Variants in XRCC6 observed in about 807,000 individuals in gnomAD.
The protein encoded by XRCC6 is X-ray repair cross complementing 6.
In XRCC6, 5 loss-of-function variants were observed where a neutral mutation model predicts 65.7. That is an observed-to-expected ratio of 0.08 (90% confidence interval 0.04 to 0.16). The LOEUF (loss-of-function observed/expected upper bound fraction) is 0.16. XRCC6 is among the 10% of genes least tolerant of loss of function. The pLI is 1.00. For missense variants in XRCC6, 447 were observed against 738.1 expected, an observed-to-expected ratio of 0.61 and a Z score of 4.57; for synonymous variants, 270 against 270.6, an observed-to-expected ratio of 1.00 and a Z score of 0.02.
chr22:41,624,720 G>A (rs1436974321), intron 2 of XRCC6, among the ~76,000 whole-genome samples: 2 of 149,962 alleles, frequency 1.3e-5, no homozygotes, highest in East Asian at 2.0e-4. Flanking sequence ...AAATAAGGCC[G>A]GGCGCGGTGG....
intron 5 of XRCC6, among the ~76,000 whole-genome samples, chr22:41,637,214 G>T (rs940114976): frequency 6.6e-6 from 1 of 151,138 alleles, no homozygotes; most frequent in Non-Finnish European, 1.5e-5. Context: ...CTCCCAAATA[G>T]CTGGAATTAC....
intron 9 of XRCC6, among the ~76,000 whole-genome samples, chr22:41,654,654 T>TA (rs1359182852): frequency 1.3e-5 from 2 of 152,210 alleles, no homozygotes; most frequent in South Asian, 2.1e-4. Context: ...TGATAACTCT[T>TA]ACCTGTTTCC....
intron 10 of XRCC6, 25 bp downstream of exon 10, chr22:41,657,057 A>C: frequency 6.5e-7 from 1 of 1,543,250 alleles, no homozygotes; most frequent in Non-Finnish European, 8.7e-7. Flanking sequence ...GGCTTTCTGG[A>C]ACTGCCTCCT....
chr22:41,649,780 C>T (rs12167973), intron 7 of XRCC6, among the ~76,000 whole-genome samples: 7,224 of 151,224 alleles, frequency 0.048, 367 homozygotes, highest in African/African-American at 0.12. Flanking sequence ...GCGTGAACCC[C>T]GGTGGGTGGA....
rs1446235281 is a variant in XRCC6 at position 41,663,831 on chromosome 22, C to T, written c.*16C>T. 8 of 1,605,478 alleles carry T rather than the reference C, an allele frequency of 5.0e-6. No homozygotes were observed. The South Asian group carries it at 8.8e-5, about 18-fold the overall frequency. On this transcript the variant is annotated 3_prime_UTR_variant, in exon 13 of 13. Coordinates refer to ENST00000360079, the MANE Select transcript of XRCC6 (RefSeq NM_001469.5). The stretch of plus-strand genomic sequence containing the variant: ...CCAGGACTGACCAGAGGCCGCGCGT[C>T]CAGCTGCCCTTCCGCAGTGTGGCCA...
chr22:41,632,334 G>GGTGT (rs1383166407), intron 3 of XRCC6, among the ~76,000 whole-genome samples: 1 of 152,090 alleles, frequency 6.6e-6, no homozygotes, highest in African/African-American at 2.4e-5. Flanking sequence ...TGGTAGGCAG[G>GGTGT]GTGTGGTGGC....
intron 2 of XRCC6, among the ~76,000 whole-genome samples, chr22:41,623,872 G>A (rs1325717786): frequency 2.0e-5 from 3 of 151,984 alleles, no homozygotes; most frequent in Non-Finnish European, 4.4e-5. Context: ...AGGCGTGTGC[G>A]CCACCACACT....
chr22:41,622,152 C>T, intron 2 of XRCC6, 66 bp downstream of exon 2: 1 of 1,535,678 alleles, frequency 6.5e-7, no homozygotes, highest in Non-Finnish European at 9.0e-7. Context: ...CCTATCTCTG[C>T]TGGATGGACT....
In XRCC6 at chr22:41,636,148, C is replaced by T. The variant is rs769178314; in HGVS notation, c.231C>T (p.Ser77=). The T allele has an allele frequency of 1.9e-6, 3 of 1,598,792 alleles. No homozygotes were observed. The highest frequency in any genetic ancestry group is 2.2e-4 in the Middle Eastern group (1 of 4,532). Residue 77 remains serine, a synonymous_variant, in exon 4 of 13, where the codon AGC becomes AGT. Transcript: ENST00000360079. The stretch of plus-strand genomic sequence containing the variant: ...GTGTGTACATCAGTAAGATCATAAG[C>T]AGTGATCGAGATCTCTTGGCTGTGG... ...IQSVYISKII[S]SDRDLLAVVF...
At chr22:41,632,916 C>T (rs1276401041) in intron 3 of XRCC6, among the ~76,000 whole-genome samples, 1 of 151,302 alleles carries the variant, frequency 6.6e-6, no homozygotes, top group African/African-American at 2.4e-5. Context: ...ATCACGAGGT[C>T]AAGAGATCAA....
At chr22:41,635,134 A>T (rs1170987182) in intron 3 of XRCC6, among the ~76,000 whole-genome samples, 1 of 152,154 alleles carries the variant, frequency 6.6e-6, no homozygotes, top group Non-Finnish European at 1.5e-5. Flanking sequence ...ATGGCATAGT[A>T]TTTGCATATA....
At chr22:41,629,170 G>T (rs2067712802) in intron 3 of XRCC6, among the ~76,000 whole-genome samples, 1 of 152,038 alleles carries the variant, frequency 6.6e-6, no homozygotes, top group African/African-American at 2.4e-5. Flanking sequence ...TGGAGAAATT[G>T]GCGTGATTGA....
chr22:41,643,603 C>T (rs909328871), intron 6 of XRCC6, among the ~76,000 whole-genome samples: 2 of 151,878 alleles, frequency 1.3e-5, no homozygotes, highest in African/African-American at 4.8e-5. Flanking sequence ...GGTGGATCAC[C>T]TGAGGTCAGT....
intron 3 of XRCC6, among the ~76,000 whole-genome samples, chr22:41,628,983 A>AAC (rs1569080366): frequency 6.6e-6 from 1 of 150,886 alleles, no homozygotes; most frequent in African/African-American, 2.4e-5. Context: ...AAAAAAAAAA[A>AAC]AAAAAACAAT....
chr22:41,646,414 A>G (rs1047312065), intron 6 of XRCC6, among the ~76,000 whole-genome samples: 10 of 152,148 alleles, frequency 6.6e-5, no homozygotes, highest in African/African-American at 2.4e-4. Flanking sequence ...GCTTAATACA[A>G]ACTATCATTT....
chr22:41,649,139 AAT>A lies in XRCC6; in HGVS notation c.961-1561_961-1560del, dbSNP rs1555906700. 1.5e-3 allele frequency among the ~76,000 whole-genome samples: 132 copies of A among 88,708 alleles called. 5 individuals are homozygous for A. Among genetic ancestry groups the A allele is most frequent in the Admixed American group, 2.4e-3 (14 of 5,780 alleles). 58.2% of individuals were successfully genotyped at this position (88,708 alleles called of 152,430 possible). On this transcript the variant is annotated intron_variant, in intron 7 of 12. Coordinates refer to ENST00000360079, the MANE Select transcript of XRCC6 (RefSeq NM_001469.5). ...GGGAAGAGAGTACAAAAAAAAAAAA[AAT>A]ATATATATATATATATATATATGTA...
intron 6 of XRCC6, among the ~76,000 whole-genome samples, chr22:41,643,460 A>G (rs1405443641): frequency 1.3e-5 from 2 of 151,946 alleles, no homozygotes; most frequent in Non-Finnish European, 2.9e-5. Flanking sequence ...GTCTCTGAGC[A>G]TGGCTTTAGC....
intron 2 of XRCC6, among the ~76,000 whole-genome samples, chr22:41,624,273 A>G (rs2067644145): frequency 6.6e-6 from 1 of 152,140 alleles, no homozygotes; most frequent in Non-Finnish European, 1.5e-5. Context: ...TTGTAGTCTC[A>G]GCTGCTTGGG....
chr22:41,621,738 C>T, intron 1 of XRCC6: 1 of 484,638 alleles, frequency 2.1e-6, no homozygotes. Flanking sequence ...GGGGCGGGAC[C>T]TCCGGGATCT....
Sources: gnomAD v4.1 joint callset for allele counts (sites outside exome capture counted in the v4.1 genomes callset) on GRCh38, gnomAD v4.1.1 for gene constraint, MANE v1.5 for transcripts, NCBI Gene and HGNC (gene_info 2026-07-23, HGNC 2026-07-21) for gene names.